DENND1A: variants seen among roughly 807,000 people sequenced by gnomAD.
The protein encoded by DENND1A is DENN domain-containing protein 1A.
In DENND1A, 51 loss-of-function variants were observed where a neutral mutation model predicts 113.7. The ratio of observed to expected loss-of-function variants is 0.45; its 90% CI spans 0.36 to 0.57. The LOEUF is 0.57. DENND1A is among the 20% of genes least tolerant of loss of function. DENND1A has a pLI of 0.00. For missense variants in DENND1A, 1,258 were observed against 1,395.9 expected (o/e 0.90, Z 1.57); for synonymous variants, 565 against 570.8 (o/e 0.99, Z 0.14).
intron 1 of DENND1A, among the ~76,000 whole-genome samples, chr9:123,881,199 G>A (rs1341107220): frequency 6.6e-6 from 1 of 152,144 alleles, no homozygotes; most frequent in Non-Finnish European, 1.5e-5. Context: ...GTAAACTGAA[G>A]TTTCAAGAGG....
At chr9:123,741,883 C>T (rs2069057004) in intron 5 of DENND1A, among the ~76,000 whole-genome samples, 1 of 152,136 alleles carries the variant, frequency 6.6e-6, no homozygotes, top group Non-Finnish European at 1.5e-5. Flanking sequence ...ATGATCATTC[C>T]TATCAAAAAA....
At chr9:123,582,838 A>G (rs955153245) in intron 12 of DENND1A, among the ~76,000 whole-genome samples, 1 of 152,082 alleles carries the variant, frequency 6.6e-6, no homozygotes, top group Non-Finnish European at 1.5e-5. Flanking sequence ...AGCTGGGATT[A>G]CACGCATGCA....
intron 2 of DENND1A, among the ~76,000 whole-genome samples, chr9:123,796,176 T>G (rs534235006): frequency 2.6e-5 from 4 of 152,182 alleles, no homozygotes; most frequent in Non-Finnish European, 5.9e-5. Flanking sequence ...GGCAGGTAGC[T>G]CTCAGACAAG....
rs1224327900 is a variant in DENND1A, at chr9:123,571,079, T to G, written c.867+12090A>C. 2.1e-5 allele frequency among the ~76,000 whole-genome samples: 3 copies of G among 143,988 alleles called. No individual in the cohort carries two copies. In the East Asian group the frequency reaches 5.8e-4, roughly 28 times the overall value. 94.5% of individuals were successfully genotyped at this position (143,988 alleles called of 152,430 possible). Reference sequence around the variant, plus strand: ...AAGGCATTAACCTTGCCAACCTCATTTTTTTTTTTAGGGTAAAACAAAGCT... The same window carrying G: ...AAGGCATTAACCTTGCCAACCTCATGTTTTTTTTTAGGGTAAAACAAAGCT... On this transcript the variant is annotated intron_variant, in intron 12 of 23. Transcript: ENST00000394215.
At chr9:123,553,914 C>G (rs1410603009) in intron 13 of DENND1A, among the ~76,000 whole-genome samples, 1 of 152,166 alleles carries the variant, frequency 6.6e-6, no homozygotes, top group Non-Finnish European at 1.5e-5. Flanking sequence ...CGTGCCACCA[C>G]GCCCAACTAA....
In DENND1A at chr9:123,450,864, A is replaced by G. The variant is rs1383084708; in HGVS notation, c.1300-115T>C. 3 of 783,910 alleles carry G rather than the reference A, an allele frequency of 3.8e-6. No individual in the cohort carries two copies. The African/African-American group carries it at 5.4e-5, about 14-fold the overall frequency. 48.6% of individuals were successfully genotyped at this position (783,910 alleles called of 1,614,324 possible). A position where few individuals can be genotyped will look rare whatever the true frequency, so the allele number is the denominator to read the frequency against. ...TGATTACTAGAAAAAGGAAGGAAAA[A>G]TGGGATCATCAAGTCGAAAACATAA... On this transcript the variant is annotated intron_variant, in intron 17 of 23. Coordinates refer to ENST00000394215, the MANE Select transcript of DENND1A (RefSeq NM_001352964.2).
chr9:123,543,260 C>T (rs1335459577), intron 13 of DENND1A, among the ~76,000 whole-genome samples: 1 of 152,114 alleles, frequency 6.6e-6, no homozygotes, highest in Non-Finnish European at 1.5e-5. Flanking sequence ...GTGAGGAGTA[C>T]TAGATGCATG....
At chr9:123,455,411 C>A (rs984515878) in intron 15 of DENND1A, among the ~76,000 whole-genome samples, 1 of 152,244 alleles carries the variant, frequency 6.6e-6, no homozygotes, top group Non-Finnish European at 1.5e-5. Context: ...CTTAAGGGAC[C>A]ACGGGGTCCA....
chr9:123,501,237 TC>T (rs1222141802), intron 13 of DENND1A, among the ~76,000 whole-genome samples: 2 of 152,206 alleles, frequency 1.3e-5, no homozygotes, highest in African/African-American at 4.8e-5. Flanking sequence ...CATAATGTCC[TC>T]CAGGTTCATC....
At chr9:123,616,941 A>G (rs1589370158) in intron 10 of DENND1A, among the ~76,000 whole-genome samples, 1 of 152,232 alleles carries the variant, frequency 6.6e-6, no homozygotes, top group African/African-American at 2.4e-5. Flanking sequence ...AAACCGCTAC[A>G]AGGAGACGCA....
At position 123,581,544 on chromosome 9, in the gene DENND1A, G is replaced by A. The variant is rs145446849; in HGVS notation, c.867+1625C>T. Among the ~76,000 whole-genome samples the A allele has an allele frequency of 1.4e-3, 216 of 152,080 alleles. 1 individual carries two copies. Among genetic ancestry groups the A allele is most frequent in the East Asian group, 7.9e-3 (41 of 5,168 alleles). On this transcript the variant is annotated intron_variant, in intron 12 of 23. Transcript: ENST00000394215. Reference sequence around the variant, plus strand: ...GGAGGCTGAGGTAGGAGGATCAGTTGAGCCCAGGAGGCAGAGGCTGCAGTG... The same window carrying A: ...GGAGGCTGAGGTAGGAGGATCAGTTAAGCCCAGGAGGCAGAGGCTGCAGTG...
intron 8 of DENND1A, among the ~76,000 whole-genome samples, chr9:123,653,646 G>A (rs1392763673): frequency 6.6e-6 from 1 of 152,138 alleles, no homozygotes; most frequent in African/African-American, 2.4e-5. Flanking sequence ...ATTCAGTCCT[G>A]AGTGGGTCTG....
chr9:123,849,091 T>A (rs1842994999), intron 2 of DENND1A, among the ~76,000 whole-genome samples: 1 of 152,322 alleles, frequency 6.6e-6, no homozygotes, highest in East Asian at 1.9e-4. Context: ...GCTAAGATCA[T>A]TGATAAAGGT....
At chr9:123,896,545 G>T (rs951221975) in intron 1 of DENND1A, among the ~76,000 whole-genome samples, 4 of 152,038 alleles carry the variant, frequency 2.6e-5, no homozygotes, top group African/African-American at 9.7e-5. Context: ...AAGAACCTCA[G>T]AAATAAAAGA....
intron 19 of DENND1A, among the ~76,000 whole-genome samples, chr9:123,417,777 T>A (rs2044859157): frequency 6.6e-6 from 1 of 152,084 alleles, no homozygotes; most frequent in African/African-American, 2.4e-5. Context: ...GTCCATTCAT[T>A]CAACAAACAG....
intron 1 of DENND1A, among the ~76,000 whole-genome samples, chr9:123,908,732 A>G (rs2133992091): frequency 6.6e-6 from 1 of 151,188 alleles, no homozygotes; most frequent in African/African-American, 2.4e-5. Flanking sequence ...AAATAGGAAC[A>G]CTTTTACACT....
At chr9:123,631,392 A>G (rs2061469507) in intron 9 of DENND1A, among the ~76,000 whole-genome samples, 1 of 152,244 alleles carries the variant, frequency 6.6e-6, no homozygotes, top group South Asian at 2.1e-4. Flanking sequence ...CACTTTAAAA[A>G]TGAGTATTAG....
rs971832574 is a variant in DENND1A at position 123,542,535 on chromosome 9, T to C, written c.993+15035A>G. On this transcript the variant is annotated intron_variant, in intron 13 of 23. Coordinates refer to ENST00000394215, the MANE Select transcript of DENND1A (RefSeq NM_001352964.2). ...TGACCTCAGACTCACCCCACTTTTC[T>C]GCTCTGCTCTCTACAGACAGGAGGG... 9.2e-5 allele frequency among the ~76,000 whole-genome samples: 14 copies of C among 152,334 alleles called. No homozygotes were observed. The South Asian group carries it at 2.3e-3, about 25-fold the overall frequency.
At chr9:123,612,618 C>A (rs1165533568) in intron 10 of DENND1A, among the ~76,000 whole-genome samples, 2 of 152,090 alleles carry the variant, frequency 1.3e-5, no homozygotes. Context: ...AATATTCCAC[C>A]AAATATGGAT....
Sources: gnomAD v4.1 joint callset for allele counts (sites outside exome capture counted in the v4.1 genomes callset) on GRCh38, gnomAD v4.1.1 for gene constraint, MANE v1.5 for transcripts, NCBI Gene and HGNC (gene_info 2026-07-23, HGNC 2026-07-21) for gene names.